ADCY10: variants seen among roughly 807,000 people sequenced by gnomAD.
ADCY10 encodes adenylate cyclase 10, also known as adenylate cyclase type 10.
Under a neutral mutation model 183.3 loss-of-function variants are expected in ADCY10, and 156 were observed. That is an observed-to-expected ratio of 0.85 (90% CI 0.75 to 0.97). ADCY10 has a LOEUF of 0.97. Ranked by LOEUF, ADCY10 falls within the 50% of genes least tolerant of loss-of-function variation. The pLI, the probability that ADCY10 is intolerant of heterozygous loss-of-function variation, is 0.00. For synonymous variants in ADCY10, 645 were observed against 670.0 expected, an observed-to-expected ratio of 0.96 and a Z score of 0.58; for missense variants, 1,745 against 1,934.3, an observed-to-expected ratio of 0.90 and a Z score of 1.84.
At chr1:167,872,072 T>C (rs1667143059) in intron 13 of ADCY10, among the ~76,000 whole-genome samples, 1 of 152,114 alleles carries the variant, frequency 6.6e-6, no homozygotes, top group African/African-American at 2.4e-5. Flanking sequence ...CTGGGAGCGG[T>C]GGCTCACGCC....
At chr1:167,854,297 T>A (rs1665721415) in intron 18 of ADCY10, 56 bp downstream of exon 18, 3 of 1,612,426 alleles carry the variant, frequency 1.9e-6, no homozygotes, top group Non-Finnish European at 2.5e-6. Flanking sequence ...CTTCTCTGAA[T>A]GAAGACTTAA....
chr1:167,886,000 G>C (rs575857871), intron 8 of ADCY10, among the ~76,000 whole-genome samples: 1 of 152,174 alleles, frequency 6.6e-6, no homozygotes, highest in Admixed American at 6.5e-5. Flanking sequence ...GGGATGTGAA[G>C]GACCTCTTCA....
chr1:167,900,208 G>A (rs1021884307), intron 5 of ADCY10, among the ~76,000 whole-genome samples: 5 of 152,208 alleles, frequency 3.3e-5, no homozygotes, highest in Non-Finnish European at 7.3e-5. Context: ...TGAACTGTAA[G>A]TGACACACAT....
At chr1:167,845,939 A>C (rs772679367) in intron 20 of ADCY10, 46 bp downstream of exon 20, 1 of 1,614,148 alleles carries the variant, frequency 6.2e-7, no homozygotes, top group Non-Finnish European at 8.5e-7. Context: ...TCTTTGATCT[A>C]GATGGGTCCT....
intron 30 of ADCY10, chr1:167,821,077 G>A (rs533661551): frequency 6.6e-6 from 1 of 152,294 alleles, no homozygotes; most frequent in East Asian, 1.9e-4. Flanking sequence ...AATTAAGATA[G>A]GAAATAAAAT....
At chr1:167,891,571 G>C (rs1465203866) in intron 8 of ADCY10, among the ~76,000 whole-genome samples, 2 of 151,196 alleles carry the variant, frequency 1.3e-5, no homozygotes, top group East Asian at 4.0e-4. Context: ...CAGGAGAATG[G>C]CATGAACCCG....
chr1:167,913,644 C>T (rs1670290447), intron 1 of ADCY10, among the ~76,000 whole-genome samples: 1 of 151,570 alleles, frequency 6.6e-6, no homozygotes, highest in Admixed American at 6.6e-5. Flanking sequence ...TACTCCACAG[C>T]ACCTTGCCAG....
At chr1:167,813,321 GAGGTC>G in intron 31 of ADCY10, among the ~76,000 whole-genome samples, 1 of 151,952 alleles carries the variant, frequency 6.6e-6, no homozygotes, top group African/African-American at 2.4e-5. Context: ...TGAAAATTTA[GAGGTC>G]AGAAGGCAGT....
intron 17 of ADCY10, among the ~76,000 whole-genome samples, chr1:167,855,656 G>A (rs916965069): frequency 1.4e-4 from 21 of 152,178 alleles, no homozygotes; most frequent in African/African-American, 4.3e-4. Context: ...GGCGTAACAG[G>A]GAGGCAACAT....
intron 7 of ADCY10, among the ~76,000 whole-genome samples, chr1:167,895,282 C>T (rs2102370562): frequency 6.6e-6 from 1 of 151,914 alleles, no homozygotes; most frequent in Admixed American, 6.5e-5. Flanking sequence ...CAGGAGATGG[C>T]ATTAGTAAAG....
chr1:167,877,063 G>A (rs1667519359), intron 12 of ADCY10, among the ~76,000 whole-genome samples: 1 of 151,934 alleles, frequency 6.6e-6, no homozygotes, highest in Non-Finnish European at 1.5e-5. Context: ...ACATTTGTGA[G>A]AAAAATAAAT....
At chr1:167,900,104 C>G (rs1009356397) in intron 5 of ADCY10, among the ~76,000 whole-genome samples, 8 of 152,180 alleles carry the variant, frequency 5.3e-5, no homozygotes, top group African/African-American at 1.9e-4. Flanking sequence ...CCATTTCTCT[C>G]ATTGCTTTTA....
intron 14 of ADCY10, among the ~76,000 whole-genome samples, chr1:167,865,532 A>T (rs1304539676): frequency 6.6e-6 from 1 of 152,254 alleles, no homozygotes; most frequent in African/African-American, 2.4e-5. Flanking sequence ...TTAATAACAC[A>T]CTAATATAAA....
At chr1:167,913,385 G>C (rs1670273933) in intron 1 of ADCY10, among the ~76,000 whole-genome samples, 1 of 152,136 alleles carries the variant, frequency 6.6e-6, no homozygotes, top group Admixed American at 6.5e-5. Flanking sequence ...TACATGTAAA[G>C]TCAGGTTTCA....
intron 6 of ADCY10, among the ~76,000 whole-genome samples, chr1:167,898,216 G>C (rs1345721940): frequency 1.3e-5 from 2 of 151,490 alleles, no homozygotes; most frequent in Non-Finnish European, 2.9e-5. Context: ...AGGTAGGTGA[G>C]GGATATATGG....
At chr1:167,911,089 A>G (rs868355149) in intron 1 of ADCY10, among the ~76,000 whole-genome samples, 13 of 152,188 alleles carry the variant, frequency 8.5e-5, no homozygotes, top group Admixed American at 4.6e-4. Context: ...GTTGCTCAGG[A>G]TCAACTAGGA....
intron 16 of ADCY10, among the ~76,000 whole-genome samples, chr1:167,857,980 T>C (rs1666024167): frequency 6.6e-6 from 1 of 152,316 alleles, no homozygotes; most frequent in Non-Finnish European, 1.5e-5. Context: ...CAAATCCATA[T>C]TTTTAAAGGA....
rs972819163 is a variant in ADCY10 at position 167,885,649 on chromosome 1, C to T, written c.829-2021G>A. On this transcript the variant is annotated intron_variant, in intron 8 of 32. Transcript: ENST00000367851. ...CTTTTTTTTTTGAGACGGAGTCTCACTCTGTCACCTGGGCTGGAGTGCAGT... is the reference window on the plus strand; with the variant it reads ...CTTTTTTTTTTGAGACGGAGTCTCATTCTGTCACCTGGGCTGGAGTGCAGT... Among the ~76,000 whole-genome samples the T allele has an allele frequency of 2.6e-5, 4 of 152,008 alleles. No homozygotes were observed. The South Asian group carries it at 8.3e-4, about 31-fold the overall frequency.
intron 17 of ADCY10, among the ~76,000 whole-genome samples, chr1:167,855,449 A>G (rs1191720016): frequency 6.6e-6 from 1 of 152,186 alleles, no homozygotes; most frequent in Non-Finnish European, 1.5e-5. Flanking sequence ...GACAGAGAAC[A>G]CCAATACCAG....
Sources: gnomAD v4.1 joint callset for allele counts (sites outside exome capture counted in the v4.1 genomes callset) on GRCh38, gnomAD v4.1.1 for gene constraint, MANE v1.5 for transcripts, NCBI Gene and HGNC (gene_info 2026-07-23, HGNC 2026-07-21) for gene names.